FUT9: variants seen among roughly 807,000 people sequenced by gnomAD.
The protein encoded by FUT9 is fucosyltransferase 9.
A neutral mutation model predicts 29.7 loss-of-function variants in FUT9; 15 were observed. The ratio of observed to expected loss-of-function variants is 0.51; its 90% CI spans 0.34 to 0.78. FUT9 has a LOEUF of 0.78. FUT9 is among the 30% of genes least tolerant of loss of function. The probability of loss-of-function intolerance (pLI) is 0.01; values close to 1 mark genes in which losing one functional copy is unlikely to be tolerated. For missense variants in FUT9, 319 were observed against 425.4 expected, an observed-to-expected ratio of 0.75 and a Z score of 2.20; for synonymous variants, 169 against 153.7, an observed-to-expected ratio of 1.10 and a Z score of -0.74.
chr6:96,042,188 A>G (rs1770473724), intron 1 of FUT9, among the ~76,000 whole-genome samples: 1 of 152,164 alleles, frequency 6.6e-6, no homozygotes, highest in Non-Finnish European at 1.5e-5. Context: ...GCCTCTGGGC[A>G]GGCATGGTTA....
intron 2 of FUT9, among the ~76,000 whole-genome samples, chr6:96,132,439 G>T (rs1487720853): frequency 6.6e-6 from 1 of 152,098 alleles, no homozygotes; most frequent in African/African-American, 2.4e-5. Flanking sequence ...CTGTGTGTAA[G>T]CATGCATTCC....
chr6:96,087,276 A>C (rs1771331673), intron 1 of FUT9, among the ~76,000 whole-genome samples: 1 of 151,870 alleles, frequency 6.6e-6, no homozygotes, highest in Non-Finnish European at 1.5e-5. Flanking sequence ...TATATTTTTA[A>C]CTTATCATAG....
intron 2 of FUT9, among the ~76,000 whole-genome samples, chr6:96,176,348 C>A (rs1049247176): frequency 6.6e-6 from 1 of 151,182 alleles, no homozygotes; most frequent in African/African-American, 2.4e-5. Flanking sequence ...ATATAATATA[C>A]AATGATATAT....
rs1455668919 is a variant in FUT9, at chr6:96,017,277, C to T, written c.-98+1065C>T. On this transcript the variant is annotated intron_variant, in intron 1 of 2. Coordinates refer to ENST00000302103, the MANE Select transcript of FUT9 (RefSeq NM_006581.4). Reference sequence around the variant, plus strand: ...ATAGGAGGATTAGAAAACATTGTACCAAGAAGCTCCTGCACTATTTGGGTG... The same window carrying T: ...ATAGGAGGATTAGAAAACATTGTACTAAGAAGCTCCTGCACTATTTGGGTG... 2.0e-5 allele frequency among the ~76,000 whole-genome samples: 3 copies of T among 152,126 alleles called. No homozygotes were observed. In the East Asian group the frequency reaches 5.8e-4, roughly 29 times the overall value.
chr6:96,110,746 C>A (rs1018774117), intron 1 of FUT9, among the ~76,000 whole-genome samples: 1 of 152,096 alleles, frequency 6.6e-6, no homozygotes, highest in Admixed American at 6.5e-5. Flanking sequence ...ACCTCAAACT[C>A]CTGGGCTCAA....
At chr6:96,098,793 A>T (rs1451501069) in intron 1 of FUT9, among the ~76,000 whole-genome samples, 2 of 152,138 alleles carry the variant, frequency 1.3e-5, no homozygotes, top group African/African-American at 4.8e-5. Context: ...ACATTTATTC[A>T]TCCTATCCAC....
At chr6:96,202,918 T>C (rs531770644) in intron 2 of FUT9, among the ~76,000 whole-genome samples, 1 of 152,296 alleles carries the variant, frequency 6.6e-6, no homozygotes, top group Non-Finnish European at 1.5e-5. Context: ...GGTTTGAAGA[T>C]ATGCTGGTAC....
intron 1 of FUT9, among the ~76,000 whole-genome samples, chr6:96,090,797 T>C (rs1771398904): frequency 2.0e-5 from 3 of 152,026 alleles, no homozygotes; most frequent in Admixed American, 6.6e-5. Flanking sequence ...GTCATATTTG[T>C]ATGTAATTTA....
chr6:96,090,952 A>G (rs1771401662), intron 1 of FUT9, among the ~76,000 whole-genome samples: 2 of 152,122 alleles, frequency 1.3e-5, no homozygotes, highest in East Asian at 1.9e-4. Flanking sequence ...AAAGTAGAAG[A>G]AATTTGTAAT....
chr6:96,044,236 G>A (rs532816359), intron 1 of FUT9, among the ~76,000 whole-genome samples: 1 of 152,274 alleles, frequency 6.6e-6, no homozygotes, highest in Admixed American at 6.5e-5. Context: ...AATTGAAAGA[G>A]TGATTCCTTG....
intron 2 of FUT9, among the ~76,000 whole-genome samples, chr6:96,192,990 G>A (rs1773543394): frequency 6.6e-6 from 1 of 151,746 alleles, no homozygotes; most frequent in African/African-American, 2.4e-5. Flanking sequence ...TGGGAAAACT[G>A]GCTAGCCATA....
At chr6:96,173,387 C>G (rs910324271) in intron 2 of FUT9, among the ~76,000 whole-genome samples, 1 of 152,064 alleles carries the variant, frequency 6.6e-6, no homozygotes, top group Non-Finnish European at 1.5e-5. Context: ...AGAACTTTTC[C>G]ATCTTTACCT....
rs1324370731 is a variant in FUT9, at chr6:96,210,976, T to C, written c.*6741T>C. 2 of 166,910 alleles carry C rather than the reference T, an allele frequency of 1.2e-5. No homozygotes were observed. Among genetic ancestry groups the C allele is most frequent in the African/African-American group, 4.8e-5 (2 of 41,436 alleles). The allele number at this position is 166,910 out of a possible 1,614,324, so 10.3% of individuals were successfully genotyped here. A position where few individuals can be genotyped will look rare whatever the true frequency, so the allele number is the denominator to read the frequency against. ...TGACTAGATATGTGTTCAAGTGTTA[T>C]CTTTTATTCTTATAAAAGATAATTG... is the stretch of plus-strand genomic sequence containing the variant. On this transcript the variant is annotated 3_prime_UTR_variant, in exon 3 of 3. Transcript: ENST00000302103.
intron 1 of FUT9, among the ~76,000 whole-genome samples, chr6:96,087,179 A>C (rs1239994738): frequency 1.3e-5 from 2 of 152,058 alleles, no homozygotes; most frequent in Non-Finnish European, 2.9e-5. Flanking sequence ...ATTTTGGATT[A>C]TTGGAATATT....
At chr6:96,090,389 C>T (rs1433365476) in intron 1 of FUT9, among the ~76,000 whole-genome samples, 1 of 151,478 alleles carries the variant, frequency 6.6e-6, no homozygotes, top group African/African-American at 2.4e-5. Context: ...GTAGTTAAAA[C>T]AATACTTATA....
chr6:96,173,142 T>A (rs1321296426), intron 2 of FUT9, among the ~76,000 whole-genome samples: 14 of 152,016 alleles, frequency 9.2e-5, no homozygotes, highest in African/African-American at 9.7e-5. Flanking sequence ...TTTCCCTGAG[T>A]TCCTCTCTGC....
chr6:96,149,210 T>C (rs1269723005), intron 2 of FUT9, among the ~76,000 whole-genome samples: 1 of 152,068 alleles, frequency 6.6e-6, no homozygotes, highest in East Asian at 1.9e-4. Flanking sequence ...CTGCTTTTAT[T>C]ATGTACAGAG....
chr6:96,123,194 T>C (rs888936148), intron 2 of FUT9, among the ~76,000 whole-genome samples: 2 of 151,740 alleles, frequency 1.3e-5, no homozygotes, highest in Non-Finnish European at 2.9e-5. Context: ...TAGAATCTAA[T>C]TATTGACCAA....
At chr6:96,021,266 T>TGTTGTTGTTGTTGTTG (rs144972657) in intron 1 of FUT9, among the ~76,000 whole-genome samples, 4 of 151,946 alleles carry the variant, frequency 2.6e-5, no homozygotes, top group African/African-American at 9.7e-5. Flanking sequence ...GACAGAGTTT[T>TGTTGTTGTTGTTGTTG]TTGTTGTTGT....
Sources: allele counts gnomAD v4.1 joint callset (sites outside exome capture counted in the v4.1 genomes callset), GRCh38; gene constraint gnomAD v4.1.1; transcripts MANE v1.5; gene names NCBI Gene and HGNC (gene_info 2026-07-23, HGNC 2026-07-21).